The following GABRG1 variants were observed in gnomAD, a reference collection of about 807,000 sequenced individuals.
GABRG1 encodes the protein gamma-aminobutyric acid receptor subunit gamma-1.
A neutral mutation model predicts 49.8 loss-of-function variants in GABRG1; 49 were observed. That is an observed-to-expected ratio of 0.98 (90% CI 0.78 to 1.25). GABRG1 has a LOEUF of 1.25. Ranked by LOEUF, GABRG1 falls within the 50% of genes most tolerant of loss-of-function variation. GABRG1 has a pLI of 0.00. For synonymous variants in GABRG1, 232 were observed against 185.1 expected (o/e 1.25, Z -2.06); for missense variants, 552 against 552.3 (o/e 1.00, Z 0.01).
intron 1 of GABRG1, among the ~76,000 whole-genome samples, chr4:46,118,296 G>GTA (rs1473867581): frequency 6.7e-6 from 1 of 149,364 alleles, no homozygotes; most frequent in Non-Finnish European, 1.5e-5. Context: ...CTATCTAGAT[G>GTA]TATATATATC....
intron 1 of GABRG1, among the ~76,000 whole-genome samples, chr4:46,101,908 T>C (rs1372736875): frequency 6.6e-6 from 1 of 151,606 alleles, no homozygotes; most frequent in Non-Finnish European, 1.5e-5. Flanking sequence ...AAAGACTTGA[T>C]GGAAAAACAG....
Position 46,087,950 on chromosome 4 carries a change from G to A in GABRG1, c.254-3897C>T, listed in dbSNP as rs539944686. Among the ~76,000 whole-genome samples, 4 of 152,120 alleles carry A rather than the reference G, an allele frequency of 2.6e-5. No homozygotes were observed. The East Asian group carries it at 7.8e-4, about 29-fold the overall frequency. On this transcript the variant is annotated intron_variant, in intron 2 of 8. Transcript: ENST00000295452. ...CTGTAGCCAGTAGAAACATATGGCTGTTTAAATTTAAATAGAAATTAATTG... is the reference window on the plus strand; with the variant it reads ...CTGTAGCCAGTAGAAACATATGGCTATTTAAATTTAAATAGAAATTAATTG...
chr4:46,057,858 C>A (rs1430569001), intron 7 of GABRG1, among the ~76,000 whole-genome samples: 3 of 152,034 alleles, frequency 2.0e-5, no homozygotes, highest in African/African-American at 7.2e-5. Flanking sequence ...AGTGACTCAG[C>A]TATAACATAA....
At chr4:46,044,840 AT>A (rs1277700973) in intron 8 of GABRG1, among the ~76,000 whole-genome samples, 2 of 152,124 alleles carry the variant, frequency 1.3e-5, no homozygotes, top group African/African-American at 4.8e-5. Context: ...TCTAAACTCT[AT>A]AACTTCTAAA....
chr4:46,107,880 C>T (rs1007432915), intron 1 of GABRG1, among the ~76,000 whole-genome samples: 11 of 150,552 alleles, frequency 7.3e-5, no homozygotes, highest in South Asian at 2.1e-4. Context: ...GGTGACATAA[C>T]GACTATAAAA....
At chr4:46,079,811 C>A (rs1011619155) in intron 3 of GABRG1, among the ~76,000 whole-genome samples, 1 of 151,768 alleles carries the variant, frequency 6.6e-6, no homozygotes, top group African/African-American at 2.4e-5. Flanking sequence ...GTACCCAACA[C>A]CGTGAGATAT....
rs150075995 is a variant in GABRG1, at chr4:46,041,153, A to G, written c.1233T>C (p.Asp411=). 82 of 1,613,054 alleles carry G rather than the reference A, an allele frequency of 5.1e-5. No individual in the cohort carries two copies. Among genetic ancestry groups the G allele is most frequent in the Non-Finnish European group, 6.6e-5 (78 of 1,179,414 alleles). ...CAAAGCAACAGAAGAAGCTGGCACA[A>G]TCTTTGCCCTCCAAACACTGATACC... ...DYGYQCLEGK[D]CASFFCCFED... The change falls in exon 9 of 9, where the codon GAT becomes GAC. Residue 411 remains aspartate (D), a synonymous_variant. Coordinates refer to ENST00000295452, the MANE Select transcript of GABRG1 (RefSeq NM_173536.4).
chr4:46,094,669 T>G (rs1376971547), intron 2 of GABRG1, among the ~76,000 whole-genome samples: 1 of 151,880 alleles, frequency 6.6e-6, no homozygotes, highest in East Asian at 1.9e-4. Context: ...GAGTACCTCA[T>G]GCTTCTACAA....
Position 46,051,561 on chromosome 4 carries a change from C to T in GABRG1, c.994G>A (p.Ala332Thr). ...CAAACAGAAACAAAGAGATCCATCG[C>T]AGTCACATAAGAAACCTTAGGTAAA... ...KSLPKVSYVT[A>T]MDLFVSVCFI... The change falls in exon 8 of 9, where the codon GCG becomes ACG. Residue 332 changes from alanine to threonine, a missense_variant. Ala to Thr is a moderately conservative substitution (Grantham distance 58). Transcript: ENST00000295452. The T allele has an allele frequency of 1.9e-6, 3 of 1,611,580 alleles. No individual in the cohort carries two copies. Among genetic ancestry groups the T allele is most frequent in the Non-Finnish European group, 1.7e-6 (2 of 1,178,516 alleles).
At position 46,047,877 on chromosome 4, in the gene GABRG1, G is replaced by T. The variant is rs552621954; in HGVS notation, c.1131+3547C>A. Reference sequence around the variant, plus strand: ...TTCACAACTGGATGTAATCATCCCTGAAAGCAAAGAACACATTCTATCTCT... The same window carrying T: ...TTCACAACTGGATGTAATCATCCCTTAAAGCAAAGAACACATTCTATCTCT... On this transcript the variant is annotated intron_variant, in intron 8 of 8. Transcript: ENST00000295452. Among the ~76,000 whole-genome samples, 7 of 152,016 alleles carry T rather than the reference G, an allele frequency of 4.6e-5. No homozygotes were observed. In the East Asian group the frequency reaches 1.4e-3, roughly 29 times the overall value.
intron 5 of GABRG1, among the ~76,000 whole-genome samples, chr4:46,061,484 T>C (rs1395153972): frequency 6.6e-6 from 1 of 152,080 alleles, no homozygotes; most frequent in Admixed American, 6.6e-5. Context: ...AAAATAGCAT[T>C]AGACAATTTG....
At chr4:46,058,643 G>T in intron 5 of GABRG1, 21 bp from the exon 6 acceptor site, 1 of 1,588,544 alleles carries the variant, frequency 6.3e-7, no homozygotes, top group Non-Finnish European at 8.6e-7. Flanking sequence ...AAAATACATA[G>T]ATTAGCAAGA....
intron 2 of GABRG1, among the ~76,000 whole-genome samples, chr4:46,096,242 AAG>A (rs1378932568): frequency 2.6e-5 from 4 of 151,838 alleles, no homozygotes; most frequent in Non-Finnish European, 5.9e-5. Flanking sequence ...AGAAGAAAAA[AAG>A]AAAATAGAAA....
chr4:46,072,178 T>A (rs891406063), intron 3 of GABRG1, among the ~76,000 whole-genome samples: 1 of 152,150 alleles, frequency 6.6e-6, no homozygotes. Flanking sequence ...TAATATTCTT[T>A]ACAGGTTTGT....
At chr4:46,069,034 A>C (rs1719022246) in intron 3 of GABRG1, among the ~76,000 whole-genome samples, 1 of 152,092 alleles carries the variant, frequency 6.6e-6, no homozygotes, top group South Asian at 2.1e-4. Flanking sequence ...AACTTAATAA[A>C]ATCAAATAAT....
rs191901444 is a variant in GABRG1, at chr4:46,122,090, C to T, written c.104+1720G>A. Among the ~76,000 whole-genome samples the T allele has an allele frequency of 7.2e-5, 11 of 152,102 alleles. No individual in the cohort carries two copies. The East Asian group carries it at 2.1e-3, about 30-fold the overall frequency. ...AACCTGTGTTCAGAGAGGTTAAAGG[C>T]CCTTGACACATGAGATCATGTCTCC... On this transcript the variant is annotated intron_variant, in intron 1 of 8. Transcript: ENST00000295452.
intron 5 of GABRG1, among the ~76,000 whole-genome samples, chr4:46,062,252 C>T (rs1718725041): frequency 6.6e-6 from 1 of 151,928 alleles, no homozygotes; most frequent in Non-Finnish European, 1.5e-5. Context: ...ATATGTGCCA[C>T]ATTTTCTTAA....
chr4:46,086,409 A>G (rs1437958839), intron 2 of GABRG1, among the ~76,000 whole-genome samples: 1 of 151,584 alleles, frequency 6.6e-6, no homozygotes. Flanking sequence ...GATTTTAAAA[A>G]TCTTTTCTTT....
chr4:46,042,905 C>T (rs910044215), intron 8 of GABRG1, among the ~76,000 whole-genome samples: 1 of 151,704 alleles, frequency 6.6e-6, no homozygotes, highest in Non-Finnish European at 1.5e-5. Context: ...TCACAAAAAG[C>T]AGAGGCAGTA....
Sources: gnomAD v4.1 joint callset for allele counts (sites outside exome capture counted in the v4.1 genomes callset) on GRCh38, gnomAD v4.1.1 for gene constraint, MANE v1.5 for transcripts, NCBI Gene and HGNC (gene_info 2026-07-23, HGNC 2026-07-21) for gene names.